The following CRACDL variants were observed in gnomAD, a reference collection of about 807,000 sequenced individuals.
The protein encoded by CRACDL is CRACD like.
In CRACDL, 26 loss-of-function variants were observed where a neutral mutation model predicts 70.6. The ratio of observed to expected loss-of-function variants is 0.37; its 90% CI spans 0.27 to 0.51. The LOEUF is 0.51. Among genes scored for constraint, CRACDL ranks in the 20% least tolerant of loss-of-function variants. The pLI is 0.94. For synonymous variants in CRACDL, 618 were observed against 615.2 expected (o/e 1.00, Z -0.07); for missense variants, 1,283 against 1,376.9 (o/e 0.93, Z 1.08).
intron 1 of CRACDL, among the ~76,000 whole-genome samples, chr2:98,885,013 G>A (rs1231628112): frequency 1.3e-5 from 2 of 152,170 alleles, no homozygotes; most frequent in Non-Finnish European, 2.9e-5. Flanking sequence ...TGACCACTGA[G>A]TCAGCTTCAG....
Position 98,822,720 on chromosome 2 carries a change from G to A in CRACDL, c.1553C>T (p.Ala518Val), listed in dbSNP as rs2104468114. 4.8e-6 allele frequency: 6 copies of A among 1,259,630 alleles called. No homozygotes were observed. The highest frequency in any genetic ancestry group is 6.0e-6 in the Non-Finnish European group (6 of 1,006,076). The allele number at this position is 1,259,630 out of a possible 1,614,324, so 78.0% of individuals were successfully genotyped here. Residue 518 changes from alanine (A) to valine (V), a missense_variant, in exon 7 of 10, where the codon GCG becomes GTG. Physicochemically the swap from Ala to Val is moderately conservative, Grantham distance 64. Transcript: ENST00000397899. The surrounding 1 kb of genome is among the most constrained non-coding windows in gnomAD (Gnocchi z 4.9). ...GPAASPPLAA[A>V]ESPPVEPGPG... ...GCCGGGCTCCACCGGGGGAGACTCC[G>A]CAGCGGCAAGCGGCGGGGACGCGGC...
chr2:98,841,079 T>G (rs946373801), intron 2 of CRACDL, among the ~76,000 whole-genome samples: 7 of 152,188 alleles, frequency 4.6e-5, no homozygotes, highest in Non-Finnish European at 1.0e-4. Flanking sequence ...GCATTTTGGA[T>G]AAGGGATACT....
chr2:98,815,834 G>A (rs2104447935), intron 7 of CRACDL, among the ~76,000 whole-genome samples: 1 of 152,356 alleles, frequency 6.6e-6, no homozygotes. Context: ...AGAATCAAGA[G>A]TTGTGCCTCA....
intron 7 of CRACDL, among the ~76,000 whole-genome samples, chr2:98,803,881 G>A (rs767395562): frequency 2.0e-5 from 3 of 152,152 alleles, no homozygotes; most frequent in Non-Finnish European, 4.4e-5. Context: ...GTGGAAATGG[G>A]ACCTGTCTAC....
chr2:98,864,081 A>G (rs1707038723), intron 1 of CRACDL, among the ~76,000 whole-genome samples: 1 of 152,214 alleles, frequency 6.6e-6, no homozygotes, highest in African/African-American at 2.4e-5. Flanking sequence ...CCACAACTAA[A>G]ACGTGCACAA....
At chr2:98,914,041 T>C (rs111976564) in intron 1 of CRACDL, among the ~76,000 whole-genome samples, 4,305 of 152,330 alleles carry the variant, frequency 0.028, 82 homozygotes, top group Middle Eastern at 0.065. Flanking sequence ...GTTGAAAGGC[T>C]AAGCAATCAC....
chr2:98,868,022 C>A (rs1392336068), intron 1 of CRACDL, among the ~76,000 whole-genome samples: 1 of 152,146 alleles, frequency 6.6e-6, no homozygotes, highest in African/African-American at 2.4e-5. Context: ...CATAACATCA[C>A]CACTCTATCC....
In CRACDL at chr2:98,861,763, T is replaced by TG. The variant is rs1216185400; in HGVS notation, c.-10-14954dup. ...GGCTTGCAACTTCCAAGGGAAGGAC[T>TG]GGGGGGTACATTGTGGTTAATTTCT... On this transcript the variant is annotated intron_variant, in intron 1 of 9. Transcript: ENST00000397899. 4.6e-5 allele frequency among the ~76,000 whole-genome samples: 7 copies of TG among 152,312 alleles called. No homozygotes were observed. The East Asian group carries it at 1.2e-3, about 25-fold the overall frequency.
At chr2:98,866,056 T>C (rs569024658) in intron 1 of CRACDL, among the ~76,000 whole-genome samples, 2 of 152,094 alleles carry the variant, frequency 1.3e-5, no homozygotes, top group Non-Finnish European at 2.9e-5. Flanking sequence ...TCAGAAAGGA[T>C]AGCGAGGACA....
intron 1 of CRACDL, among the ~76,000 whole-genome samples, chr2:98,891,407 C>CAAAAAAAAAAAAAAAAAAA: frequency 2.2e-5 from 2 of 90,456 alleles, no homozygotes; most frequent in African/African-American, 1.0e-4. Flanking sequence ...AAAAAAAAAT[C>CAAAAAAAAAAAAAAAAAAA]CAAACTTTGG....
intron 1 of CRACDL, among the ~76,000 whole-genome samples, chr2:98,858,080 AG>A: frequency 6.6e-6 from 1 of 152,246 alleles, no homozygotes. Context: ...AATGAGTCAA[AG>A]AATAAATTAC....
At chr2:98,801,337 G>A (rs1484348937) in intron 7 of CRACDL, among the ~76,000 whole-genome samples, 1 of 152,244 alleles carries the variant, frequency 6.6e-6, no homozygotes. Context: ...GTTCACAGAT[G>A]CCTGAGATTC....
chr2:98,912,437 C>G (rs914486127), intron 1 of CRACDL, among the ~76,000 whole-genome samples: 1 of 152,192 alleles, frequency 6.6e-6, no homozygotes, highest in East Asian at 1.9e-4. Flanking sequence ...CTGGCCACAC[C>G]CATGCAGGGT....
intron 1 of CRACDL, among the ~76,000 whole-genome samples, chr2:98,859,410 C>A (rs995906800): frequency 2.0e-5 from 3 of 152,156 alleles, no homozygotes; most frequent in Non-Finnish European, 4.4e-5. Context: ...AACTCCTCAA[C>A]AGAATACTGG....
chr2:98,798,399 G>A (rs995528271), intron 7 of CRACDL, among the ~76,000 whole-genome samples: 16 of 126,476 alleles, frequency 1.3e-4, no homozygotes, highest in African/African-American at 3.7e-4. Flanking sequence ...AGCCGAGATC[G>A]CGCCACTGCA....
chr2:98,841,356 A>T (rs1021826846), intron 2 of CRACDL, among the ~76,000 whole-genome samples: 12 of 151,848 alleles, frequency 7.9e-5, no homozygotes, highest in Admixed American at 1.3e-4. Flanking sequence ...ATTGATCTTT[A>T]AAAAAAATTC....
intron 9 of CRACDL, among the ~76,000 whole-genome samples, chr2:98,795,066 T>TAA (rs1411604203): frequency 1.7e-5 from 1 of 57,756 alleles, no homozygotes; most frequent in African/African-American, 5.9e-5. Context: ...TATATATATA[T>TAA]ATATATATAT....
At chr2:98,811,085 C>G (rs1043126189) in intron 7 of CRACDL, among the ~76,000 whole-genome samples, 4 of 152,040 alleles carry the variant, frequency 2.6e-5, no homozygotes, top group Admixed American at 6.5e-5. Context: ...GCATGCCCAT[C>G]TTGTTGTGGT....
intron 1 of CRACDL, among the ~76,000 whole-genome samples, chr2:98,918,416 C>A (rs1374043671): frequency 6.6e-6 from 1 of 151,600 alleles, no homozygotes; most frequent in African/African-American, 2.4e-5. Flanking sequence ...GTCTGTAATC[C>A]CGGCTTCTTG....
Sources: allele counts gnomAD v4.1 joint callset (sites outside exome capture counted in the v4.1 genomes callset), GRCh38; gene constraint gnomAD v4.1.1; non-coding constraint Gnocchi (gnomAD v3.1); transcripts MANE v1.5; gene names NCBI Gene and HGNC (gene_info 2026-07-23, HGNC 2026-07-21).